The following FRMPD3 variants were observed in gnomAD, a reference collection of about 807,000 sequenced individuals.
FRMPD3 encodes the protein FERM and PDZ domain containing 3.
FRMPD3 carries 42 observed loss-of-function variants against 97.9 expected under a neutral mutation model. That is an observed-to-expected ratio of 0.43 (90% CI 0.34 to 0.55). The LOEUF (loss-of-function observed/expected upper bound fraction) is 0.55. Ranked by LOEUF, FRMPD3 falls within the 20% of genes least tolerant of loss-of-function variation. The pLI, the probability that FRMPD3 is intolerant of heterozygous loss-of-function variation, is 0.03. For missense variants in FRMPD3, 1,303 were observed against 1,457.7 expected (o/e 0.89, Z 1.73); for synonymous variants, 577 against 581.1 (o/e 0.99, Z 0.10).
At chrX:107,522,362 A>T (rs1922534784) in intron 1 of FRMPD3, 1 of 544,438 alleles carries the variant, frequency 1.8e-6, no homozygotes, top group African/African-American at 2.2e-5. Context: ...GAACAGGCTC[A>T]GAGACAGGTT....
intron 13 of FRMPD3, among the ~76,000 whole-genome samples, chrX:107,580,726 G>A (rs1923345259): frequency 9.0e-6 from 1 of 111,380 alleles, no homozygotes; most frequent in Admixed American, 9.6e-5. Flanking sequence ...TTGCTCCTCC[G>A]GAGCACTTAT....
At chrX:107,503,673 G>A in intron 1 of FRMPD3, among the ~76,000 whole-genome samples, 1 of 112,375 alleles carries the variant, frequency 8.9e-6, no homozygotes, top group Non-Finnish European at 1.9e-5. Context: ...CATTCATTTG[G>A]ATCTTGAAGC....
intron 12 of FRMPD3, 144 bp downstream of exon 12, chrX:107,565,210 A>G (rs1407749794): frequency 3.6e-6 from 2 of 548,381 alleles, no homozygotes; most frequent in African/African-American, 4.8e-5. Flanking sequence ...TCTTTGGGCT[A>G]ATATGTCTCT....
chrX:107,589,854 T>C (rs1278237495), intron 13 of FRMPD3, among the ~76,000 whole-genome samples: 1 of 112,615 alleles, frequency 8.9e-6, no homozygotes, highest in Non-Finnish European at 1.9e-5. Flanking sequence ...TGCTAGTGTA[T>C]AAAAATAGAA....
In FRMPD3 at chrX:107,601,635, C is replaced by T. The variant is rs746904830; in HGVS notation, c.3596C>T (p.Ser1199Leu). ...GAAACAACTCTCAATGGAGCCCACT[C>T]GACCTCTGAAGGCCCTGCCAAACCC... The part of the protein sequence containing the change: ...KLETTLNGAH[S>L]TSEGPAKPKS... The change falls in exon 15 of 15, where the codon TCG becomes TTG. Residue 1199 changes from serine to leucine, a missense_variant. Ser to Leu is a moderately radical substitution (Grantham distance 145). Transcript: ENST00000683843. 3.5e-4 allele frequency: 419 copies of T among 1,209,297 alleles called. No homozygotes were observed. The highest frequency in any genetic ancestry group is 4.3e-4 in the Non-Finnish European group (385 of 895,100).
At chrX:107,535,024 A>G (rs1923159193) in intron 4 of FRMPD3, among the ~76,000 whole-genome samples, 1 of 112,045 alleles carries the variant, frequency 8.9e-6, no homozygotes, top group African/African-American at 3.2e-5. Flanking sequence ...GTAGGCAGTC[A>G]GTCCCAACCT....
intron 1 of FRMPD3, among the ~76,000 whole-genome samples, chrX:107,468,339 A>G (rs368116269): frequency 8.9e-6 from 1 of 112,356 alleles, no homozygotes; most frequent in East Asian, 2.8e-4. Context: ...TATTTTTTTC[A>G]TTCAACGAAC....
chrX:107,603,255 AGCAGCAGCAGCAGGTG>A lies in FRMPD3; in HGVS notation c.5225_5240del (p.Gln1742LeufsTer19). On this transcript the variant is annotated frameshift_variant, in exon 15 of 15. Transcript: ENST00000683843. LOFTEE classifies it high-confidence loss of function. ...CAGCAGCAGCAACAACAACAGCAGC[AGCAGCAGCAGCAGGTG>A]GCAGCAGCTGCAGGGGCAGCCACAG... 9.4e-6 allele frequency: 11 copies of A among 1,167,586 alleles called. No individual in the cohort carries two copies. The highest frequency in any genetic ancestry group is 1.3e-5 in the Non-Finnish European group (11 of 873,152).
chrX:107,601,814 C>A lies in FRMPD3; in HGVS notation c.3775C>A (p.Gln1259Lys). Residue 1259 changes from glutamine to lysine, a missense_variant, in exon 15 of 15, where the codon CAG becomes AAG. This residue lies in a region of FRMPD3 where 764 missense variants were observed against 820.2 expected (regional missense o/e 0.93). Coordinates refer to ENST00000683843, the MANE Select transcript of FRMPD3 (RefSeq NM_001388459.1). ...FLEELLKPPS[Q>K]GELPGTEYLQ... ...TGAGGAACTTCTAAAGCCACCAAGC[C>A]AGGGGGAGCTGCCAGGCACCGAGTA... 8.3e-7 allele frequency: 1 copy of A among 1,210,998 alleles called. No homozygotes were observed. Among genetic ancestry groups the A allele is most frequent in the Non-Finnish European group, 1.1e-6 (1 of 895,396 alleles).
intron 1 of FRMPD3, among the ~76,000 whole-genome samples, chrX:107,493,340 C>T (rs1921705689): frequency 9.0e-6 from 1 of 111,079 alleles, no homozygotes; most frequent in Non-Finnish European, 1.9e-5. Flanking sequence ...TCCCAATTAA[C>T]TCATTTCCTG....
chrX:107,450,805 A>G (rs923643565), intron 1 of FRMPD3, among the ~76,000 whole-genome samples: 9 of 110,284 alleles, frequency 8.2e-5, no homozygotes, highest in African/African-American at 3.0e-4. Context: ...GTTTTCTCAG[A>G]GTGGTCTTGA....
chrX:107,468,260 A>G (rs746333607), intron 1 of FRMPD3, among the ~76,000 whole-genome samples: 3 of 112,370 alleles, frequency 2.7e-5, no homozygotes, highest in Non-Finnish European at 5.6e-5. Flanking sequence ...AGACAATAAC[A>G]TAGGCCTTGC....
chrX:107,572,908 C>CTACTACTAATAA lies in FRMPD3; in HGVS notation c.1297-3405_1297-3404insCTACTAATAATA, dbSNP rs796610991. Reference sequence around the variant, plus strand: ...ACTACTACTACTACTACTACTACTACTAATAATAATAATAATAATAAAGTA... The same window carrying CTACTACTAATAA: ...ACTACTACTACTACTACTACTACTACTACTACTAATAATAATAATAATAATAATAATAAAGTA... On this transcript the variant is annotated intron_variant, in intron 12 of 14. Coordinates refer to ENST00000683843, the MANE Select transcript of FRMPD3 (RefSeq NM_001388459.1). Among the ~76,000 whole-genome samples, 76 of 101,000 alleles carry CTACTACTAATAA rather than the reference C, an allele frequency of 7.5e-4. 2 individuals carry two copies. The highest frequency in any genetic ancestry group is 2.4e-3 in the African/African-American group (64 of 26,770). The allele number at this position is 101,000 out of a possible 115,157, so 87.7% of individuals were successfully genotyped here. A position where few individuals can be genotyped will look rare whatever the true frequency, so the allele number is the denominator to read the frequency against.
intron 1 of FRMPD3, among the ~76,000 whole-genome samples, chrX:107,451,972 C>G (rs910434782): frequency 4.5e-5 from 5 of 111,978 alleles, no homozygotes; most frequent in African/African-American, 1.6e-4. Context: ...CTCCCCCGCC[C>G]CCTTAGATTA....
rs371473523 is a variant in FRMPD3 at position 107,480,036 on chromosome X, TA to T, written c.-8+30047del. ...TTCAAGACCAAAACCCTGTCTCATTTAAAAAAAAAAAAAAAACCATGATTAT... is the reference window on the plus strand; with the variant it reads ...TTCAAGACCAAAACCCTGTCTCATTTAAAAAAAAAAAAAAACCATGATTAT... On this transcript the variant is annotated intron_variant, in intron 1 of 14. Coordinates refer to ENST00000683843, the MANE Select transcript of FRMPD3 (RefSeq NM_001388459.1). 7.7e-3 allele frequency among the ~76,000 whole-genome samples: 735 copies of T among 95,281 alleles called. 2 individuals are homozygous for T. The highest frequency in any genetic ancestry group is 0.015 in the South Asian group (31 of 2,073). 82.7% of individuals were successfully genotyped at this position (95,281 alleles called of 115,157 possible). A position where few individuals can be genotyped will look rare whatever the true frequency, so the allele number is the denominator to read the frequency against.
At chrX:107,584,291 TG>T (rs2147627277) in intron 13 of FRMPD3, among the ~76,000 whole-genome samples, 1 of 111,955 alleles carries the variant, frequency 8.9e-6, no homozygotes, top group Non-Finnish European at 1.9e-5. Flanking sequence ...TGGGATTGTT[TG>T]TTTTTTTTCC....
Position 107,545,804 on chromosome X carries a change from G to A in FRMPD3, c.365G>A (p.Arg122Gln), listed in dbSNP as rs774585077. ...TTGAGGTCCAATCCTGTGAAGGTTCGATTTTCTGAGCAGGTGGCAGTTGGA... is the reference window on the plus strand; with the variant it reads ...TTGAGGTCCAATCCTGTGAAGGTTCAATTTTCTGAGCAGGTGGCAGTTGGA... ...AKLRSNPVKV[R>Q]FSEQVAVGET... The change falls in exon 5 of 15, where the codon CGA (arginine) becomes CAA (glutamine). Residue 122 changes from arginine (R) to glutamine (Q), a missense_variant. Physicochemically the swap from Arg to Gln is conservative, Grantham distance 43. Around this residue, in one of 3 missense-constraint regions of FRMPD3, gnomAD observed 535 missense variants for 618.6 expected, o/e 0.86. Coordinates refer to ENST00000683843, the MANE Select transcript of FRMPD3 (RefSeq NM_001388459.1). The A allele has an allele frequency of 7.4e-6, 9 of 1,208,271 alleles. No individual in the cohort carries two copies. Among genetic ancestry groups the A allele is most frequent in the African/African-American group, 3.5e-5 (2 of 57,282 alleles).
At chrX:107,481,388 C>G (rs1404814745) in intron 1 of FRMPD3, among the ~76,000 whole-genome samples, 1 of 112,047 alleles carries the variant, frequency 8.9e-6, no homozygotes, top group Non-Finnish European at 1.9e-5. Flanking sequence ...TTGTAGGGAT[C>G]CCTTTGTCCC....
At chrX:107,479,005 G>T (rs749776538) in intron 1 of FRMPD3, among the ~76,000 whole-genome samples, 5 of 112,406 alleles carry the variant, frequency 4.4e-5, no homozygotes, top group Non-Finnish European at 9.4e-5. Context: ...CAAGTTGGCT[G>T]CTGCAGTCCT....
Sources: allele counts gnomAD v4.1 joint callset (sites outside exome capture counted in the v4.1 genomes callset), GRCh38; gene constraint gnomAD v4.1.1; regional missense constraint gnomAD v4.1.1; transcripts MANE v1.5; gene names NCBI Gene and HGNC (gene_info 2026-07-23, HGNC 2026-07-21).